The following ARHGEF9 variants were observed in gnomAD, a reference collection of about 807,000 sequenced individuals.
ARHGEF9 encodes rho guanine nucleotide exchange factor 9.
Under a neutral mutation model 41.3 loss-of-function variants are expected in ARHGEF9, and 2 were observed. The ratio of observed to expected loss-of-function variants is 0.05; its 90% CI spans 0.02 to 0.15. ARHGEF9 has a LOEUF of 0.15. ARHGEF9 is among the 10% of genes least tolerant of loss of function. The pLI is 1.00. For synonymous variants in ARHGEF9, 160 were observed against 154.4 expected (o/e 1.04, Z -0.27); for missense variants, 225 against 424.7 (o/e 0.53, Z 4.13).
chrX:63,644,447 T>C (rs1240330564), intron 8 of ARHGEF9, among the ~76,000 whole-genome samples: 1 of 110,707 alleles, frequency 9.0e-6, no homozygotes, highest in Non-Finnish European at 1.9e-5. Flanking sequence ...ATATAGATTA[T>C]AAAAGTTTAA....
chrX:63,696,572 T>A (rs782419536), intron 4 of ARHGEF9, among the ~76,000 whole-genome samples: 5 of 112,278 alleles, frequency 4.5e-5, no homozygotes, highest in Non-Finnish European at 7.5e-5. Context: ...TTCCCATAAA[T>A]GTCTTGCAGG....
In ARHGEF9 at chrX:63,635,590, CTTG is replaced by C. The variant is rs2047279604; in HGVS notation, c.*2435_*2437del. The C allele has an allele frequency of 2.4e-6, 1 of 419,321 alleles. No individual in the cohort carries two copies. Among genetic ancestry groups the C allele is most frequent in the Non-Finnish European group, 4.1e-6 (1 of 242,335 alleles). The allele number at this position is 419,321 out of a possible 1,213,427, so 34.6% of individuals were successfully genotyped here. A position where few individuals can be genotyped will look rare whatever the true frequency, so the allele number is the denominator to read the frequency against. On this transcript the variant is annotated 3_prime_UTR_variant, in exon 10 of 10. Transcript: ENST00000671741. Reference sequence around the variant, plus strand: ...ACTCCAACCAATGGGGAAATGATTTCTTGTTGTTCACAAATTAGTGGCATCAGG... The same window carrying C: ...ACTCCAACCAATGGGGAAATGATTTCTTGTTCACAAATTAGTGGCATCAGG...
chrX:63,699,418 G>T (rs184568273), intron 3 of ARHGEF9, among the ~76,000 whole-genome samples: 41 of 111,811 alleles, frequency 3.7e-4, no homozygotes, highest in African/African-American at 1.3e-3. Flanking sequence ...TATTTGAAAA[G>T]TCTCAGGGAA....
intron 6 of ARHGEF9, among the ~76,000 whole-genome samples, chrX:63,668,555 A>C (rs1198633433): frequency 3.6e-5 from 4 of 112,299 alleles, no homozygotes; most frequent in Non-Finnish European, 7.5e-5. Context: ...TAGTCTCTCT[A>C]TAACTCAGTT....
At chrX:63,668,133 A>T (rs1409834690) in intron 6 of ARHGEF9, among the ~76,000 whole-genome samples, 1 of 104,115 alleles carries the variant, frequency 9.6e-6, no homozygotes, top group Non-Finnish European at 2.0e-5. Flanking sequence ...TCAATTCTAC[A>T]TTTTTTTTTT....
chrX:63,694,688 C>A (rs1569474887), intron 4 of ARHGEF9, among the ~76,000 whole-genome samples: 1 of 111,717 alleles, frequency 9.0e-6, no homozygotes. Context: ...TTGCCAGTAG[C>A]CAGGAGTAGG....
intron 7 of ARHGEF9, among the ~76,000 whole-genome samples, chrX:63,662,878 T>C (rs1318941487): frequency 1.8e-5 from 2 of 112,261 alleles, no homozygotes; most frequent in Non-Finnish European, 3.8e-5. Context: ...CATTTTCCTA[T>C]GTGTAGTCTT....
chrX:63,732,630 C>A (rs1316568309), intron 1 of ARHGEF9, among the ~76,000 whole-genome samples: 1 of 111,455 alleles, frequency 9.0e-6, no homozygotes, highest in Non-Finnish European at 1.9e-5. Context: ...TCAAAGCTCT[C>A]CTTAATCTAG....
intron 2 of ARHGEF9, 143 bp downstream of exon 2, chrX:63,724,389 G>T: frequency 1.6e-6 from 1 of 641,142 alleles, no homozygotes; most frequent in Non-Finnish European, 2.4e-6. Context: ...CAGGTTCTCT[G>T]TATGAGACAA....
chrX:63,657,250 T>C (rs1556337346), intron 7 of ARHGEF9: 1 of 112,536 alleles, frequency 8.9e-6, no homozygotes, highest in Non-Finnish European at 1.9e-5. Flanking sequence ...ATTTCCATTC[T>C]ACTGAATTGC....
chrX:63,669,336 G>A (rs1406394020), intron 6 of ARHGEF9, among the ~76,000 whole-genome samples: 1 of 111,778 alleles, frequency 8.9e-6, no homozygotes, highest in African/African-American at 3.3e-5. Context: ...ATGTTTGTCC[G>A]CACTAGATGT....
chrX:63,659,204 T>C (rs1430933431), intron 7 of ARHGEF9, among the ~76,000 whole-genome samples: 1 of 111,900 alleles, frequency 8.9e-6, no homozygotes, highest in African/African-American at 3.3e-5. Flanking sequence ...AGCCCCAGAG[T>C]TTCCTCTGGT....
At chrX:63,745,745 G>A (rs1322569327) in intron 1 of ARHGEF9, among the ~76,000 whole-genome samples, 2 of 111,145 alleles carry the variant, frequency 1.8e-5, no homozygotes, top group African/African-American at 6.6e-5. Context: ...CCACTTAAAT[G>A]AAATACCCAC....
At chrX:63,645,097 T>C (rs1191516878) in intron 8 of ARHGEF9, among the ~76,000 whole-genome samples, 8 of 110,418 alleles carry the variant, frequency 7.2e-5, no homozygotes, top group African/African-American at 2.6e-4. Flanking sequence ...GAATAAACCC[T>C]GGATCAAAAG....
intron 1 of ARHGEF9, among the ~76,000 whole-genome samples, chrX:63,773,721 C>T (rs2056241753): frequency 8.9e-6 from 1 of 111,946 alleles, no homozygotes; most frequent in African/African-American, 3.2e-5. Flanking sequence ...GAAGATTGCC[C>T]TCCACAATGT....
intron 1 of ARHGEF9, among the ~76,000 whole-genome samples, chrX:63,735,778 ATACG>A (rs1464257086): frequency 8.9e-6 from 1 of 112,123 alleles, no homozygotes; most frequent in Non-Finnish European, 1.9e-5. Flanking sequence ...AGACCTTGGC[ATACG>A]TTTCCAAAGA....
intron 9 of ARHGEF9, among the ~76,000 whole-genome samples, chrX:63,643,135 AT>A (rs782772989): frequency 1.8e-5 from 2 of 112,187 alleles, no homozygotes; most frequent in East Asian, 5.6e-4. Context: ...GCTGAGCATG[AT>A]AGTTTTGTTC....
chrX:63,705,357 ATGTG>A (rs58549005), intron 3 of ARHGEF9, among the ~76,000 whole-genome samples: 4,170 of 81,614 alleles, frequency 0.051, 104 homozygotes, highest in African/African-American at 0.085. Context: ...ATAAGAGAGA[ATGTG>A]TGTGTGTGTG....
chrX:63,660,183 C>T (rs1165615881), intron 7 of ARHGEF9, among the ~76,000 whole-genome samples: 3 of 111,666 alleles, frequency 2.7e-5, no homozygotes, highest in Admixed American at 1.9e-4. Context: ...AAATGTGGTA[C>T]ATATACACCA....
Sources: allele counts gnomAD v4.1 joint callset (sites outside exome capture counted in the v4.1 genomes callset), GRCh38; gene constraint gnomAD v4.1.1; transcripts MANE v1.5; gene names NCBI Gene and HGNC (gene_info 2026-07-23, HGNC 2026-07-21).